SLC35D2: variants seen among roughly 807,000 people sequenced by gnomAD.
The protein encoded by SLC35D2 is nucleotide sugar transporter SLC35D2.
A neutral mutation model predicts 41.8 loss-of-function variants in SLC35D2; 43 were observed. The ratio of observed to expected loss-of-function variants is 1.03; its 90% CI spans 0.81 to 1.33. SLC35D2 has a LOEUF of 1.33. Among genes scored for constraint, SLC35D2 ranks in the 40% most tolerant of loss-of-function variants. SLC35D2 has a pLI of 0.00. For synonymous variants in SLC35D2, 150 were observed against 163.9 expected, an observed-to-expected ratio of 0.92 and a Z score of 0.65; for missense variants, 380 against 408.4, an observed-to-expected ratio of 0.93 and a Z score of 0.60.
In SLC35D2 at chr9:96,351,125, G is replaced by C. The variant is rs759737298; in HGVS notation, c.466C>G (p.Leu156Val). 4 of 1,612,486 alleles carry C rather than the reference G, an allele frequency of 2.5e-6. No homozygotes were observed. In the South Asian group the frequency reaches 3.3e-5, roughly 13 times the overall value. The change falls in exon 6 of 12, where the codon CTC becomes GTC. Residue 156 changes from leucine (L) to valine (V), a missense_variant. By Grantham distance (32) the Leu-to-Val change is conservative. Transcript: ENST00000253270. ...NIILSVFAII[L>V]GAFIAAGSDL... ...TACCCAGCTGCTATGAAAGCCCCGA[G>C]AATAATGGCAAAGACACTGAGGATG...
chr9:96,333,689 GCTGCCCGCCCTC>G (rs563489710), intron 9 of SLC35D2, among the ~76,000 whole-genome samples: 1 of 152,234 alleles, frequency 6.6e-6, no homozygotes, highest in South Asian at 2.1e-4. Context: ...TCACAGCGAG[GCTGCCCGCCCTC>G]ACCCACTGAG....
At chr9:96,364,432 T>C in intron 3 of SLC35D2, 32 bp downstream of exon 3, 1 of 1,245,320 alleles carries the variant, frequency 8.0e-7, no homozygotes, top group Non-Finnish European at 1.2e-6. Flanking sequence ...TCACATCTTC[T>C]ATCACAGTCA....
chr9:96,369,696 G>A (rs972999316), intron 1 of SLC35D2, among the ~76,000 whole-genome samples: 5 of 152,092 alleles, frequency 3.3e-5, no homozygotes, highest in African/African-American at 7.2e-5. Context: ...TTCAGCAAAC[G>A]GCACTGGGTG....
intron 7 of SLC35D2, among the ~76,000 whole-genome samples, chr9:96,344,290 A>C (rs1360829124): frequency 6.6e-6 from 1 of 151,624 alleles, no homozygotes; most frequent in African/African-American, 2.4e-5. Flanking sequence ...TTTTTAAAGC[A>C]TGTAATTCAA....
At chr9:96,344,539 G>GACAAAAAA (rs1829481447) in intron 7 of SLC35D2, among the ~76,000 whole-genome samples, 1 of 87,372 alleles carries the variant, frequency 1.1e-5, no homozygotes, top group Admixed American at 1.1e-4. Flanking sequence ...AGGCCATGCA[G>GACAAAAAA]GGGAAAAAAA....
intron 9 of SLC35D2, among the ~76,000 whole-genome samples, chr9:96,335,450 C>G (rs1829005632): frequency 6.6e-6 from 1 of 152,104 alleles, no homozygotes. Flanking sequence ...ACCTCCACCT[C>G]CTGGGTTCAA....
intron 1 of SLC35D2, among the ~76,000 whole-genome samples, chr9:96,383,147 T>C (rs960831399): frequency 1.4e-4 from 22 of 152,176 alleles, no homozygotes; most frequent in African/African-American, 3.4e-4. Flanking sequence ...GTGTAAGGAA[T>C]TGCGTCCTTT....
intron 9 of SLC35D2, among the ~76,000 whole-genome samples, chr9:96,325,727 T>C (rs142050196): frequency 6.6e-6 from 1 of 152,294 alleles, no homozygotes; most frequent in Non-Finnish European, 1.5e-5. Context: ...GGATTCACCA[T>C]TGACAGAGAG....
chr9:96,354,946 C>G (rs1233041476), intron 4 of SLC35D2, among the ~76,000 whole-genome samples: 1 of 151,032 alleles, frequency 6.6e-6, no homozygotes, highest in Admixed American at 6.6e-5. Context: ...GCCTGTAATC[C>G]CAGCACTTTG....
intron 10 of SLC35D2, 126 bp downstream of exon 10, chr9:96,323,965 C>A (rs1262974419): frequency 5.6e-6 from 4 of 715,252 alleles, no homozygotes; most frequent in African/African-American, 5.3e-5. Context: ...ACAGGCCGAG[C>A]TGAAAAGGTC....
chr9:96,381,049 A>G (rs1831179119), intron 1 of SLC35D2, among the ~76,000 whole-genome samples: 1 of 152,246 alleles, frequency 6.6e-6, no homozygotes, highest in Admixed American at 6.5e-5. Flanking sequence ...GCAGCCCTGC[A>G]GTGGCTTCCA....
intron 4 of SLC35D2, among the ~76,000 whole-genome samples, chr9:96,359,161 G>A (rs1446286316): frequency 3.3e-5 from 5 of 151,902 alleles, no homozygotes; most frequent in East Asian, 1.9e-4. Flanking sequence ...AAAATTAGCC[G>A]GGCATAGTGG....
intron 11 of SLC35D2, 74 bp downstream of exon 11, chr9:96,321,924 G>T: frequency 1.2e-6 from 1 of 851,506 alleles, no homozygotes; most frequent in African/African-American, 1.7e-5. Context: ...AGGCTCTTTT[G>T]CTTATTACAT....
At chr9:96,353,058 T>C (rs1829872092) in intron 4 of SLC35D2, among the ~76,000 whole-genome samples, 1 of 151,838 alleles carries the variant, frequency 6.6e-6, no homozygotes, top group African/African-American at 2.4e-5. Flanking sequence ...AATTACTTCT[T>C]CTTGGGAAAC....
intron 4 of SLC35D2, 48 bp from the exon 5 acceptor site, chr9:96,352,157 T>C: frequency 7.8e-7 from 1 of 1,289,938 alleles, no homozygotes; most frequent in Non-Finnish European, 1.1e-6. Context: ...GTTGGTTGAT[T>C]GGTTTTATCT....
chr9:96,372,407 C>G (rs964548196), intron 1 of SLC35D2, among the ~76,000 whole-genome samples: 1 of 151,752 alleles, frequency 6.6e-6, no homozygotes, highest in Non-Finnish European at 1.5e-5. Flanking sequence ...ATTGCATGAG[C>G]CTTGATTGGA....
intron 4 of SLC35D2, among the ~76,000 whole-genome samples, chr9:96,353,102 C>A (rs1266499427): frequency 1.3e-5 from 2 of 151,332 alleles, no homozygotes; most frequent in Admixed American, 6.6e-5. Flanking sequence ...GAAAAAAAAA[C>A]CACATGCATA....
intron 9 of SLC35D2, among the ~76,000 whole-genome samples, chr9:96,333,228 A>G (rs1828890296): frequency 1.3e-5 from 2 of 151,450 alleles, no homozygotes; most frequent in South Asian, 4.2e-4. Flanking sequence ...GACTACTGAT[A>G]AAATAATGTA....
At position 96,321,200 on chromosome 9, in the gene SLC35D2, GC is replaced by G; in HGVS notation, c.*41del. 6.9e-7 allele frequency: 1 copy of G among 1,455,098 alleles called. No homozygotes were observed. The highest frequency in any genetic ancestry group is 9.6e-7 in the Non-Finnish European group (1 of 1,038,618). The allele number at this position is 1,455,098 out of a possible 1,614,324, so 90.1% of individuals were successfully genotyped here. On this transcript the variant is annotated 3_prime_UTR_variant, in exon 12 of 12. Transcript: ENST00000253270. ...CATTCCTACTGGGAATGCCCCCCCAGCCCGCAGTCACAAGTCAGTCTCCAAT... is the reference window on the plus strand; with the variant it reads ...CATTCCTACTGGGAATGCCCCCCCAGCCGCAGTCACAAGTCAGTCTCCAAT...
Sources: allele counts gnomAD v4.1 joint callset (sites outside exome capture counted in the v4.1 genomes callset), GRCh38; gene constraint gnomAD v4.1.1; transcripts MANE v1.5; gene names NCBI Gene and HGNC (gene_info 2026-07-23, HGNC 2026-07-21).